The following SATB2 variants were observed in gnomAD, a reference collection of about 807,000 sequenced individuals.
SATB2 encodes the protein DNA-binding protein SATB2.
Under a neutral mutation model 73.4 loss-of-function variants are expected in SATB2, and 1 was observed. The ratio of observed to expected loss-of-function variants is 0.01; its 90% CI spans 0.00 to 0.06. The LOEUF (loss-of-function observed/expected upper bound fraction) is 0.06. Among genes scored for constraint, SATB2 ranks in the 10% least tolerant of loss-of-function variants. The pLI is 1.00. For missense variants in SATB2, 459 were observed against 945.8 expected (o/e 0.49, Z 6.75); for synonymous variants, 397 against 367.0 (o/e 1.08, Z -0.93).
At chr2:199,348,536 G>GC in intron 7 of SATB2, 165 bp downstream of exon 7, 1 of 683,064 alleles carries the variant, frequency 1.5e-6, no homozygotes, top group Middle Eastern at 3.4e-4. Context: ...TCATGGTCAT[G>GC]CATGGATCAA....
intron 6 of SATB2, among the ~76,000 whole-genome samples, chr2:199,354,105 C>T (rs907366767): frequency 6.6e-6 from 1 of 152,222 alleles, no homozygotes; most frequent in African/African-American, 2.4e-5. Context: ...TGCCTGCAAT[C>T]CCAGCACTTT....
At chr2:199,384,005 A>G (rs944224172) in intron 3 of SATB2, among the ~76,000 whole-genome samples, 1 of 152,238 alleles carries the variant, frequency 6.6e-6, no homozygotes, top group African/African-American at 2.4e-5. Flanking sequence ...CAAACTGATC[A>G]CTTAATATGC....
rs966804383 is a variant in SATB2 at position 199,270,056 on chromosome 2, G to T, written c.*2155C>A. The T allele has an allele frequency of 2.0e-5, 3 of 152,706 alleles. No homozygotes were observed. Among genetic ancestry groups the T allele is most frequent in the Non-Finnish European group, 4.4e-5 (3 of 68,036 alleles). The allele number at this position is 152,706 out of a possible 1,614,324, so 9.5% of individuals were successfully genotyped here. On this transcript the variant is annotated 3_prime_UTR_variant, in exon 11 of 11. Transcript: ENST00000417098. ...GTACAGAGTGACCTTCAGCAACAGT[G>T]TAAGAAGACAATTTGGAAAGAGTAA...
At chr2:199,273,192 T>C (rs1048304541) in intron 10 of SATB2, among the ~76,000 whole-genome samples, 2 of 152,204 alleles carry the variant, frequency 1.3e-5, no homozygotes, top group Admixed American at 6.5e-5. Context: ...TTAAATGACA[T>C]AATTGTTACA....
intron 7 of SATB2, among the ~76,000 whole-genome samples, chr2:199,330,799 A>G (rs17250955): frequency 0.026 from 3,914 of 152,310 alleles, 81 homozygotes; most frequent in Admixed American, 0.065. Flanking sequence ...TTTCAATACC[A>G]GTAAAAAACA....
At chr2:199,459,939 T>A (rs1273491371), upstream of SATB2, 1 of 152,542 alleles carries the variant, frequency 6.6e-6, no homozygotes, top group Non-Finnish European at 1.5e-5. This position sits in a 1 kb window ranked among gnomAD's most constrained non-coding sequence, Gnocchi z 4.2. Flanking sequence ...GAAGGAAACC[T>A]GCCCCCGGCC....
chr2:199,421,053 G>A (rs1021155200), intron 3 of SATB2, among the ~76,000 whole-genome samples: 22 of 152,080 alleles, frequency 1.4e-4, no homozygotes, highest in African/African-American at 4.3e-4. Context: ...GGAAGAGAAC[G>A]ATCCCAGTAT....
intron 1 of SATB2, among the ~76,000 whole-genome samples, chr2:199,456,713 A>T (rs1692286677): frequency 6.6e-6 from 1 of 152,326 alleles, no homozygotes; most frequent in East Asian, 1.9e-4. Flanking sequence ...GGAGGTATTT[A>T]TCAGAATAAC....
upstream of SATB2, chr2:199,467,595 A>T (rs1188992924): frequency 3.3e-5 from 5 of 152,354 alleles, no homozygotes; most frequent in Non-Finnish European, 5.9e-5. Flanking sequence ...TGTAGTCGGC[A>T]GGAATTCCCT....
chr2:199,402,452 A>T (rs937858738), intron 3 of SATB2, among the ~76,000 whole-genome samples: 24 of 151,986 alleles, frequency 1.6e-4, no homozygotes, highest in African/African-American at 5.3e-4. Flanking sequence ...CAGCTACCCG[A>T]AAGGCTGAGG....
intron 6 of SATB2, among the ~76,000 whole-genome samples, chr2:199,351,323 A>G (rs1688812562): frequency 6.6e-6 from 1 of 151,894 alleles, no homozygotes; most frequent in East Asian, 1.9e-4. Flanking sequence ...CACCATGCCC[A>G]GCTAATTTTT....
At chr2:199,291,012 T>C (rs1692840763) in intron 10 of SATB2, among the ~76,000 whole-genome samples, 1 of 152,194 alleles carries the variant, frequency 6.6e-6, no homozygotes, top group African/African-American at 2.4e-5. Flanking sequence ...AAATTCTGAA[T>C]TGTCAATGGC....
chr2:199,409,306 A>C (rs761942707), intron 3 of SATB2, among the ~76,000 whole-genome samples: 11 of 151,414 alleles, frequency 7.3e-5, no homozygotes, highest in African/African-American at 2.7e-4. Flanking sequence ...GAGTAGCTGG[A>C]ATTACAGGCA....
intron 3 of SATB2, among the ~76,000 whole-genome samples, chr2:199,402,138 G>C (rs1395605061): frequency 1.3e-5 from 2 of 152,130 alleles, no homozygotes; most frequent in Admixed American, 6.5e-5. Flanking sequence ...CGTAATCCCA[G>C]CACTTTGGGA....
chr2:199,447,704 TG>T (rs1481533075), intron 2 of SATB2, among the ~76,000 whole-genome samples: 46 of 152,322 alleles, frequency 3.0e-4, no homozygotes, highest in African/African-American at 1.1e-3. Context: ...CCACTTTCCA[TG>T]GGCTCCTCTT....
intron 7 of SATB2, among the ~76,000 whole-genome samples, chr2:199,336,509 C>T (rs749280846): frequency 2.0e-5 from 3 of 152,162 alleles, no homozygotes; most frequent in Non-Finnish European, 2.9e-5. Flanking sequence ...ATATTTATAT[C>T]TCAAATGTAT....
At chr2:199,299,981 A>G (rs933963798) in intron 10 of SATB2, among the ~76,000 whole-genome samples, 1 of 152,084 alleles carries the variant, frequency 6.6e-6, no homozygotes, top group Non-Finnish European at 1.5e-5. Flanking sequence ...TGTGGGTGGG[A>G]AGGGAAAGAA....
At chr2:199,423,133 T>C (rs1691221192) in intron 3 of SATB2, among the ~76,000 whole-genome samples, 1 of 152,180 alleles carries the variant, frequency 6.6e-6, no homozygotes, top group South Asian at 2.1e-4. Flanking sequence ...CTAGACGAAA[T>C]GGAGAGAAGA....
intron 2 of SATB2, among the ~76,000 whole-genome samples, chr2:199,439,906 C>A (rs1169740311): frequency 6.6e-6 from 1 of 152,106 alleles, no homozygotes; most frequent in African/African-American, 2.4e-5. Context: ...GAGTTCGAGA[C>A]CAGCCTGACC....
Sources: gnomAD v4.1 joint callset for allele counts (sites outside exome capture counted in the v4.1 genomes callset) on GRCh38, gnomAD v4.1.1 for gene constraint, Gnocchi (gnomAD v3.1) non-coding constraint, MANE v1.5 for transcripts, NCBI Gene and HGNC (gene_info 2026-07-23, HGNC 2026-07-21) for gene names.